The following LRRIQ4 variants were observed in gnomAD, a reference collection of about 807,000 sequenced individuals.
LRRIQ4 encodes leucine rich repeats and IQ motif containing 4.
A neutral mutation model predicts 40.1 loss-of-function variants in LRRIQ4; 21 were observed. The observed-to-expected ratio is 0.52, with a 90% CI of 0.37 to 0.75. The LOEUF is 0.75. Ranked by LOEUF, LRRIQ4 falls within the 30% of genes least tolerant of loss-of-function variation. The probability of loss-of-function intolerance (pLI) is 0.00; values close to 1 mark genes in which losing one functional copy is unlikely to be tolerated. For synonymous variants in LRRIQ4, 277 were observed against 277.1 expected (o/e 1.00, Z 0.00); for missense variants, 655 against 660.0 (o/e 0.99, Z 0.08).
chr3:169,833,134 T>C lies in LRRIQ4; in HGVS notation c.1481T>C (p.Ile494Thr). 6.2e-7 allele frequency: 1 copy of C among 1,613,888 alleles called. No individual in the cohort carries two copies. The highest frequency in any genetic ancestry group is 8.5e-7 in the Non-Finnish European group (1 of 1,179,866). Residue 494 changes from isoleucine to threonine, a missense_variant, in exon 5 of 6, where the codon ATA (isoleucine) becomes ACA (threonine). Coordinates refer to ENST00000340806, the MANE Select transcript of LRRIQ4 (RefSeq NM_001080460.3). ...GTGTGTGCTGAAGGCAATGAGGCCA[T>C]ATGGAAATACCTCAAGGAAAACAGA... Reference protein sequence around the residue: ...KEVCAEGNEAIWKYLKENRNR... With the variant: ...KEVCAEGNEATWKYLKENRNR...
chr3:169,833,250 A>G, intron 5 of LRRIQ4, 67 bp downstream of exon 5: 1 of 1,365,618 alleles, frequency 7.3e-7, no homozygotes, highest in South Asian at 1.4e-5. Flanking sequence ...CACAGTACAG[A>G]TTATCCTACG....
At chr3:169,818,456 C>G (rs1281359375) in intron 1 of LRRIQ4, among the ~76,000 whole-genome samples, 2 of 152,190 alleles carry the variant, frequency 1.3e-5, no homozygotes, top group African/African-American at 4.8e-5. Flanking sequence ...TGCTCTGCCT[C>G]CAGGAATTTT....
intron 4 of LRRIQ4, among the ~76,000 whole-genome samples, chr3:169,830,977 C>A (rs1353649385): frequency 6.6e-6 from 1 of 152,190 alleles, no homozygotes; most frequent in Admixed American, 6.5e-5. Flanking sequence ...CAGTAAATTT[C>A]ATCTAGGTCA....
At chr3:169,830,988 C>T (rs932160622) in intron 4 of LRRIQ4, among the ~76,000 whole-genome samples, 1 of 152,148 alleles carries the variant, frequency 6.6e-6, no homozygotes, top group Admixed American at 6.5e-5. Context: ...ATCTAGGTCA[C>T]GGAGTCACTT....
chr3:169,820,039 T>C (rs1036731427), intron 1 of LRRIQ4, among the ~76,000 whole-genome samples: 1 of 152,222 alleles, frequency 6.6e-6, no homozygotes, highest in Non-Finnish European at 1.5e-5. Context: ...AACAAGCACC[T>C]GAAGCACATA....
chr3:169,821,872 C>A lies in LRRIQ4; in HGVS notation c.-31-19C>A. Reference sequence around the variant, plus strand: ...GCAGGTAAATTCTATTTTTTTTCATCCTTTTCACAATATTTCAGATTTTGA... The same window carrying A: ...GCAGGTAAATTCTATTTTTTTTCATACTTTTCACAATATTTCAGATTTTGA... On this transcript the variant is annotated intron_variant, in intron 1 of 5. Coordinates refer to ENST00000340806, the MANE Select transcript of LRRIQ4 (RefSeq NM_001080460.3). The A allele has an allele frequency of 7.8e-7, 1 of 1,281,598 alleles. No homozygotes were observed. Among genetic ancestry groups the A allele is most frequent in the Non-Finnish European group, 1.0e-6 (1 of 975,988 alleles). The allele number at this position is 1,281,598 out of a possible 1,614,324, so 79.4% of individuals were successfully genotyped here.
rs1041528742 is a variant in LRRIQ4 at position 169,831,026 on chromosome 3, G to A, written c.1333+396G>A. Among the ~76,000 whole-genome samples, 7 of 152,166 alleles carry A rather than the reference G, an allele frequency of 4.6e-5. No individual in the cohort carries two copies. In the South Asian group the frequency reaches 1.2e-3, roughly 27 times the overall value. On this transcript the variant is annotated intron_variant, in intron 4 of 5. Coordinates refer to ENST00000340806, the MANE Select transcript of LRRIQ4 (RefSeq NM_001080460.3). Reference sequence around the variant, plus strand: ...GTAAAAGAAAAAGTATTGGCCCAGAGTGGTGAAATTAGCAGGAGACTTTCT... The same window carrying A: ...GTAAAAGAAAAAGTATTGGCCCAGAATGGTGAAATTAGCAGGAGACTTTCT...
intron 1 of LRRIQ4, among the ~76,000 whole-genome samples, chr3:169,820,600 G>T (rs1358884569): frequency 6.7e-5 from 10 of 148,828 alleles, no homozygotes; most frequent in Non-Finnish European, 1.5e-4. Flanking sequence ...GCAGTGGCGC[G>T]ATCTCGGCTT....
intron 5 of LRRIQ4, 142 bp from the exon 6 acceptor site, chr3:169,837,337 G>T (rs1462920441): frequency 1.0e-6 from 1 of 981,842 alleles, no homozygotes; most frequent in Non-Finnish European, 1.4e-6. Context: ...AATTGAGAAA[G>T]ATAGAAAATA....
intron 1 of LRRIQ4, among the ~76,000 whole-genome samples, chr3:169,816,304 T>C (rs1022838423): frequency 6.6e-6 from 1 of 152,218 alleles, no homozygotes; most frequent in Non-Finnish European, 1.5e-5. Context: ...TTTTCTTTGC[T>C]AGGAGACTTT....
chr3:169,829,290 A>G (rs1388722907), intron 3 of LRRIQ4, among the ~76,000 whole-genome samples: 2 of 152,192 alleles, frequency 1.3e-5, no homozygotes, highest in East Asian at 3.8e-4. Flanking sequence ...TACAAGTGAC[A>G]TGCTGGGAGC....
In LRRIQ4 at chr3:169,821,888, C is replaced by T. The variant is rs1188077724; in HGVS notation, c.-31-3C>T. The T allele has an allele frequency of 1.5e-6, 2 of 1,338,394 alleles. No homozygotes were observed. The highest frequency in any genetic ancestry group is 2.0e-6 in the Non-Finnish European group (2 of 1,020,568). The allele number at this position is 1,338,394 out of a possible 1,614,324, so 82.9% of individuals were successfully genotyped here. On this transcript the variant is annotated splice_polypyrimidine_tract_variant and splice_region_variant and intron_variant, in intron 1 of 5. Coordinates refer to ENST00000340806, the MANE Select transcript of LRRIQ4 (RefSeq NM_001080460.3). ...TTTTTTCATCCTTTTCACAATATTTCAGATTTTGAATATTTGAGCTTTTCT... is the reference window on the plus strand; with the variant it reads ...TTTTTTCATCCTTTTCACAATATTTTAGATTTTGAATATTTGAGCTTTTCT...
intron 4 of LRRIQ4, among the ~76,000 whole-genome samples, chr3:169,832,631 CAA>C (rs3047516): frequency 4.0e-3 from 269 of 67,340 alleles, no homozygotes; most frequent in African/African-American, 0.014. Flanking sequence ...GACTCTGTCT[CAA>C]AAAAAAAAAA....
chr3:169,831,261 CTTTTTT>C (rs869088396), intron 4 of LRRIQ4, among the ~76,000 whole-genome samples: 5 of 33,460 alleles, frequency 1.5e-4, no homozygotes, highest in African/African-American at 4.1e-4. Flanking sequence ...TATGGCTATT[CTTTTTT>C]TTTTTTTTTT....
rs147893332 is a variant in LRRIQ4 at position 169,819,225 on chromosome 3, A to G, written c.-31-2666A>G. Reference sequence around the variant, plus strand: ...CTGTGGCAGAATTACTGGCAAAGCTATTGCAAATCTGGGTTTTACAATCTC... The same window carrying G: ...CTGTGGCAGAATTACTGGCAAAGCTGTTGCAAATCTGGGTTTTACAATCTC... On this transcript the variant is annotated intron_variant, in intron 1 of 5. Coordinates refer to ENST00000340806, the MANE Select transcript of LRRIQ4 (RefSeq NM_001080460.3). Among the ~76,000 whole-genome samples, 720 of 152,332 alleles carry G rather than the reference A, an allele frequency of 4.7e-3. 2 individuals are homozygous for G. Among genetic ancestry groups the G allele is most frequent in the Admixed American group, 8.3e-3 (127 of 15,302 alleles).
At chr3:169,815,346 G>A (rs1011088057) in intron 1 of LRRIQ4, among the ~76,000 whole-genome samples, 1 of 151,980 alleles carries the variant, frequency 6.6e-6, no homozygotes, top group African/African-American at 2.4e-5. Context: ...TCATTGTAGA[G>A]ATCTTTTACT....
At chr3:169,828,988 G>A in intron 3 of LRRIQ4, 56 bp downstream of exon 3, 1 of 1,494,082 alleles carries the variant, frequency 6.7e-7, no homozygotes, top group East Asian at 2.3e-5. Flanking sequence ...TCTTAAATTG[G>A]CTGAAACTGA....
chr3:169,830,480 A>G lies in LRRIQ4; in HGVS notation c.1195-12A>G, dbSNP rs1178264828. On this transcript the variant is annotated splice_polypyrimidine_tract_variant and intron_variant, in intron 3 of 5. Transcript: ENST00000340806. ...CAAGGTATATTATTATGGTACACTCATGTTATTTCAGAGTCTCAAAGAGCT... is the reference window on the plus strand; with the variant it reads ...CAAGGTATATTATTATGGTACACTCGTGTTATTTCAGAGTCTCAAAGAGCT... The G allele has an allele frequency of 5.1e-6, 8 of 1,555,582 alleles. No individual in the cohort carries two copies. Among genetic ancestry groups the G allele is most frequent in the African/African-American group, 4.1e-5 (3 of 72,996 alleles).
chr3:169,833,235 G>A, intron 5 of LRRIQ4, 52 bp downstream of exon 5: 1 of 1,443,026 alleles, frequency 6.9e-7, no homozygotes, highest in African/African-American at 1.4e-5. Flanking sequence ...GAGTCTAATG[G>A]TAAACACAGT....
Sources: allele counts gnomAD v4.1 joint callset (sites outside exome capture counted in the v4.1 genomes callset), GRCh38; gene constraint gnomAD v4.1.1; transcripts MANE v1.5; gene names NCBI Gene and HGNC (gene_info 2026-07-23, HGNC 2026-07-21).